CTNNA2: variants seen among roughly 807,000 people sequenced by gnomAD.
CTNNA2 encodes catenin alpha 2.
CTNNA2 carries 42 observed loss-of-function variants against 101.0 expected under a neutral mutation model. The observed-to-expected ratio is 0.42, with a 90% CI of 0.32 to 0.54. The LOEUF (loss-of-function observed/expected upper bound fraction) is 0.54. Among genes scored for constraint, CTNNA2 ranks in the 20% least tolerant of loss-of-function variants. The pLI is 0.14. For missense variants in CTNNA2, 871 were observed against 1,223.1 expected, an observed-to-expected ratio of 0.71 and a Z score of 4.29; for synonymous variants, 450 against 456.4, an observed-to-expected ratio of 0.99 and a Z score of 0.18.
chr2:80,225,050 G>A (rs1305993873), intron 7 of CTNNA2, among the ~76,000 whole-genome samples: 1 of 152,104 alleles, frequency 6.6e-6, no homozygotes, highest in African/African-American at 2.4e-5. Flanking sequence ...TAGTGTGTCA[G>A]TATCTTTCCT....
chr2:79,558,241 T>C (rs1255417409), intron 1 of CTNNA2, among the ~76,000 whole-genome samples: 2 of 151,942 alleles, frequency 1.3e-5, no homozygotes, highest in African/African-American at 4.8e-5. Context: ...TTTTACAGAT[T>C]GATTCTGCCA....
intron 17 of CTNNA2, among the ~76,000 whole-genome samples, chr2:80,615,070 A>G (rs1292020052): frequency 1.3e-5 from 2 of 151,476 alleles, no homozygotes; most frequent in African/African-American, 2.4e-5. Context: ...ACAAGGTGAT[A>G]TAATGTGAAT....
At chr2:80,279,211 C>T (rs1371934091) in intron 7 of CTNNA2, among the ~76,000 whole-genome samples, 1 of 151,992 alleles carries the variant, frequency 6.6e-6, no homozygotes, top group Non-Finnish European at 1.5e-5. Context: ...GCCATCTGGG[C>T]AAGAGAACTG....
intron 3 of CTNNA2, among the ~76,000 whole-genome samples, chr2:79,767,084 C>T (rs549883522): frequency 4.6e-5 from 7 of 151,884 alleles, no homozygotes; most frequent in East Asian, 2.0e-4. Context: ...AGCCTGTTTT[C>T]GACCTCACTA....
chr2:79,482,747 G>A (rs946863828), intron 4 of CTNNA2, among the ~76,000 whole-genome samples: 1 of 152,198 alleles, frequency 6.6e-6, no homozygotes, highest in African/African-American at 2.4e-5. Context: ...GAGAACTGCA[G>A]ACAGTGAGGA....
chr2:80,606,242 A>T (rs772397587), intron 16 of CTNNA2, among the ~76,000 whole-genome samples: 3 of 151,764 alleles, frequency 2.0e-5, no homozygotes, highest in Non-Finnish European at 2.9e-5. Flanking sequence ...CGGCATCTTT[A>T]GGCCCTTCAA....
intron 7 of CTNNA2, among the ~76,000 whole-genome samples, chr2:80,087,288 C>G (rs1352965079): frequency 6.6e-6 from 1 of 151,966 alleles, no homozygotes; most frequent in Non-Finnish European, 1.5e-5. Flanking sequence ...TAGGAATACA[C>G]AGGTACAGAA....
At chr2:79,502,076 T>A (rs1158652628) in intron 4 of CTNNA2, among the ~76,000 whole-genome samples, 2 of 151,720 alleles carry the variant, frequency 1.3e-5, no homozygotes, top group African/African-American at 4.8e-5. Context: ...TTCACTGCCT[T>A]CAAAACTGCA....
At chr2:80,576,900 A>G in intron 13 of CTNNA2, among the ~76,000 whole-genome samples, 1 of 151,114 alleles carries the variant, frequency 6.6e-6, no homozygotes, top group South Asian at 2.1e-4. Flanking sequence ...TGGGAGGCGG[A>G]GGTTACAGTT....
At chr2:80,200,867 G>GT (rs1707158332) in intron 7 of CTNNA2, among the ~76,000 whole-genome samples, 6 of 135,948 alleles carry the variant, frequency 4.4e-5, no homozygotes, top group Admixed American at 2.8e-4. Context: ...TGATAGCCTT[G>GT]GTTTTTTTTT....
intron 7 of CTNNA2, among the ~76,000 whole-genome samples, chr2:80,063,423 T>C (rs1195190131): frequency 1.5e-4 from 23 of 152,190 alleles, no homozygotes; most frequent in Non-Finnish European, 3.4e-4. Context: ...TCAAAAACAT[T>C]TATGAAATGT....
At chr2:79,393,400 G>GATTC (rs1445028072) in intron 4 of CTNNA2, among the ~76,000 whole-genome samples, 1 of 152,124 alleles carries the variant, frequency 6.6e-6, no homozygotes, top group Non-Finnish European at 1.5e-5. Flanking sequence ...CATAAAGTAT[G>GATTC]ATTCGAACAC....
chr2:79,969,289 C>A (rs140496037), intron 7 of CTNNA2, among the ~76,000 whole-genome samples: 7 of 152,294 alleles, frequency 4.6e-5, no homozygotes, highest in Non-Finnish European at 8.8e-5. Context: ...GGGGGAACAA[C>A]AAACTAAGCC....
rs563925966 is a variant in CTNNA2, at chr2:80,372,258, T to C, written c.1057-20953T>C. ...GGATGCTGTGGAACCCCAGAACCTCTCCACTATAACCTTTACTCATTGCCT... is the reference window on the plus strand; with the variant it reads ...GGATGCTGTGGAACCCCAGAACCTCCCCACTATAACCTTTACTCATTGCCT... On this transcript the variant is annotated intron_variant, in intron 7 of 18. Transcript: ENST00000402739. 2.9e-4 allele frequency among the ~76,000 whole-genome samples: 29 copies of C among 100,904 alleles called. No individual in the cohort carries two copies. In the South Asian group the frequency reaches 8.7e-3, roughly 30 times the overall value. 66.2% of individuals were successfully genotyped at this position (100,904 alleles called of 152,430 possible).
intron 7 of CTNNA2, among the ~76,000 whole-genome samples, chr2:80,054,038 G>A (rs1393530139): frequency 6.6e-6 from 1 of 152,234 alleles, no homozygotes; most frequent in African/African-American, 2.4e-5. Flanking sequence ...TGGGCAAACA[G>A]TGCTCTGCAA....
chr2:80,266,354 G>T (rs1424949013), intron 7 of CTNNA2, among the ~76,000 whole-genome samples: 1 of 152,220 alleles, frequency 6.6e-6, no homozygotes, highest in East Asian at 1.9e-4. Flanking sequence ...GGGAAGTGTG[G>T]TCGAGAGTCC....
At chr2:79,469,835 C>T (rs893722590) in intron 4 of CTNNA2, among the ~76,000 whole-genome samples, 2 of 152,194 alleles carry the variant, frequency 1.3e-5, no homozygotes, top group Admixed American at 6.5e-5. Context: ...AACAGCCCTT[C>T]ATGCTAAAAA....
intron 1 of CTNNA2, among the ~76,000 whole-genome samples, chr2:79,525,199 A>G (rs1672336840): frequency 6.6e-6 from 1 of 151,976 alleles, no homozygotes; most frequent in African/African-American, 2.4e-5. Flanking sequence ...TAGCCAGTAC[A>G]GCAGCACTAA....
intron 11 of CTNNA2, among the ~76,000 whole-genome samples, chr2:80,549,318 T>A (rs1194302697): frequency 6.6e-6 from 1 of 152,196 alleles, no homozygotes; most frequent in Non-Finnish European, 1.5e-5. Flanking sequence ...CCCAAGAGTT[T>A]TGCTTTTTAA....
Sources: gnomAD v4.1 joint callset for allele counts (sites outside exome capture counted in the v4.1 genomes callset) on GRCh38, gnomAD v4.1.1 for gene constraint, MANE v1.5 for transcripts, NCBI Gene and HGNC (gene_info 2026-07-23, HGNC 2026-07-21) for gene names.